KLF12: variants seen among roughly 807,000 people sequenced by gnomAD.
The protein encoded by KLF12 is KLF transcription factor 12.
A neutral mutation model predicts 37.8 loss-of-function variants in KLF12; 9 were observed. That is an observed-to-expected ratio of 0.24 (90% CI 0.14 to 0.42). The LOEUF (loss-of-function observed/expected upper bound fraction) is 0.42. Among genes scored for constraint, KLF12 ranks in the 10% least tolerant of loss-of-function variants. KLF12 has a pLI of 1.00. For synonymous variants in KLF12, 208 were observed against 202.1 expected (o/e 1.03, Z -0.25); for missense variants, 411 against 516.0 (o/e 0.80, Z 1.97).
At chr13:74,230,473 G>GAACCCAAAAAA in the KLF12 span, among the ~76,000 whole-genome samples, 1 of 152,034 alleles carries the variant, frequency 6.6e-6, no homozygotes. Context: ...TAAATAATAG[G>GAACCCAAAAAA]TATAATTGTG....
rs181828461 is a variant in KLF12 at position 74,060,326 on chromosome 13, G to A, written c.-31-65273C>T. On this transcript the variant is annotated intron_variant, in intron 1 of 7. Transcript: ENST00000377669. ...TTGGTATTTTCATAGAAATTGTGTCGAATCTGTAGATTACTTTGGACAGTT... is the reference window on the plus strand; with the variant it reads ...TTGGTATTTTCATAGAAATTGTGTCAAATCTGTAGATTACTTTGGACAGTT... Among the ~76,000 whole-genome samples the A allele has an allele frequency of 4.0e-3, 614 of 151,718 alleles. 1 individual carries two copies. Among genetic ancestry groups the A allele is most frequent in the African/African-American group, 0.011 (463 of 41,326 alleles).
In KLF12 at chr13:73,694,114, A is replaced by C. The variant is rs1379106064; in HGVS notation, c.*1376T>G. 6.6e-6 allele frequency: 1 copy of C among 152,574 alleles called. No homozygotes were observed. Among genetic ancestry groups the C allele is most frequent in the Non-Finnish European group, 1.5e-5 (1 of 68,038 alleles). 9.5% of individuals were successfully genotyped at this position (152,574 alleles called of 1,614,324 possible). ...GTATAGAAGAACCTATTGGAGAGTC[A>C]CTTATCCTTGGCTCTCCAAGAGAGG... On this transcript the variant is annotated 3_prime_UTR_variant, in exon 8 of 8. Transcript: ENST00000377669.
At chr13:73,964,606 T>TA (rs71115627) in intron 2 of KLF12, among the ~76,000 whole-genome samples, 1,938 of 137,360 alleles carry the variant, frequency 0.014, 38 homozygotes, top group African/African-American at 0.051. Context: ...CGTCTCTACT[T>TA]AAAAAAAAAA....
At chr13:73,769,836 G>C (rs1006193189) in intron 5 of KLF12, among the ~76,000 whole-genome samples, 3 of 152,172 alleles carry the variant, frequency 2.0e-5, no homozygotes, top group Admixed American at 2.0e-4. Context: ...AAATTAGAGA[G>C]GCTGTTTCAT....
chr13:73,835,286 T>C (rs181893161), intron 4 of KLF12, among the ~76,000 whole-genome samples: 18 of 152,242 alleles, frequency 1.2e-4, no homozygotes, highest in Non-Finnish European at 2.2e-4. Context: ...ATAACTAGAT[T>C]ACCTAGAGTT....
intron 1 of KLF12, among the ~76,000 whole-genome samples, chr13:74,089,497 C>T (rs987966240): frequency 1.3e-5 from 2 of 151,984 alleles, no homozygotes; most frequent in Non-Finnish European, 2.9e-5. Flanking sequence ...GACAAAGATA[C>T]TACTATAAAA....
intron 1 of KLF12, among the ~76,000 whole-genome samples, chr13:74,082,991 A>C (rs536614632): frequency 6.6e-6 from 1 of 152,234 alleles, no homozygotes; most frequent in Non-Finnish European, 1.5e-5. Context: ...TGTTTCAACA[A>C]AGGTGACAAT....
At chr13:73,784,456 T>G (rs536281563) in intron 5 of KLF12, among the ~76,000 whole-genome samples, 1 of 151,736 alleles carries the variant, frequency 6.6e-6, no homozygotes, top group South Asian at 2.1e-4. Flanking sequence ...GGCTTCTACT[T>G]CCATAACTCT....
intron 7 of KLF12, among the ~76,000 whole-genome samples, chr13:73,701,953 T>C (rs1236020422): frequency 6.6e-6 from 1 of 152,164 alleles, no homozygotes; most frequent in Admixed American, 6.5e-5. Context: ...CCAACACTAA[T>C]AAGAAGAGCA....
At chr13:74,212,859 C>CT in the KLF12 span, among the ~76,000 whole-genome samples, 6 of 151,590 alleles carry the variant, frequency 4.0e-5, no homozygotes, top group Admixed American at 2.0e-4. Context: ...TGTTTAAATT[C>CT]TTTTTTTTCA....
chr13:73,912,544 A>G (rs1251818163), intron 3 of KLF12, among the ~76,000 whole-genome samples: 3 of 152,144 alleles, frequency 2.0e-5, no homozygotes, highest in Non-Finnish European at 2.9e-5. Context: ...TGACACATCT[A>G]CAAACTAAGG....
the KLF12 span, among the ~76,000 whole-genome samples, chr13:74,146,294 C>T: frequency 6.6e-6 from 1 of 152,194 alleles, no homozygotes; most frequent in African/African-American, 2.4e-5. Flanking sequence ...TTGACCTTCA[C>T]TAAGTCAGTT....
intron 4 of KLF12, among the ~76,000 whole-genome samples, chr13:73,830,538 A>G (rs923750227): frequency 2.0e-5 from 3 of 152,172 alleles, no homozygotes; most frequent in African/African-American, 7.2e-5. Context: ...ATAATTCTAA[A>G]ACTGTAATGT....
At chr13:73,766,180 AG>A (rs1879903305) in intron 5 of KLF12, among the ~76,000 whole-genome samples, 1 of 151,786 alleles carries the variant, frequency 6.6e-6, no homozygotes, top group Non-Finnish European at 1.5e-5. Context: ...GGCATGGGGG[AG>A]GGGGTGTTAA....
intron 4 of KLF12, among the ~76,000 whole-genome samples, chr13:73,817,680 T>C (rs1449903114): frequency 2.0e-5 from 3 of 152,358 alleles, no homozygotes; most frequent in African/African-American, 7.2e-5. Flanking sequence ...TTTCGGTCAA[T>C]CAAAGATGGC....
chr13:73,778,308 A>G (rs1422826164), intron 5 of KLF12, among the ~76,000 whole-genome samples: 9 of 152,182 alleles, frequency 5.9e-5, no homozygotes, highest in Admixed American at 5.9e-4. Flanking sequence ...GTGTTTTCCT[A>G]AAGCAAGAGC....
the KLF12 span, among the ~76,000 whole-genome samples, chr13:74,243,773 G>A: frequency 2.6e-5 from 4 of 152,086 alleles, no homozygotes; most frequent in Admixed American, 6.6e-5. Context: ...GGTATCATTT[G>A]TCCTGGGTTT....
In KLF12 at chr13:73,909,498, G is replaced by A. The variant is rs1318097839; in HGVS notation, c.123+34483C>T. 2.0e-5 allele frequency among the ~76,000 whole-genome samples: 3 copies of A among 152,112 alleles called. No individual in the cohort carries two copies. The South Asian group carries it at 6.2e-4, about 32-fold the overall frequency. On this transcript the variant is annotated intron_variant, in intron 3 of 7. Coordinates refer to ENST00000377669, the MANE Select transcript of KLF12 (RefSeq NM_007249.5). ...TTCCTCTGTGGACTAAATGCTTTTTGTTACTTCAATGATGCTTAATATGGG... is the reference window on the plus strand; with the variant it reads ...TTCCTCTGTGGACTAAATGCTTTTTATTACTTCAATGATGCTTAATATGGG...
In KLF12 at chr13:73,813,143, G is replaced by C; in HGVS notation, c.806+9C>G. On this transcript the variant is annotated intron_variant, in intron 5 of 7. Transcript: ENST00000377669. ...AATTCTTAATTCATCCTGTGAATGT[G>C]ATACTTACTCTTGTACTGCTCTGGC... is the stretch of plus-strand genomic sequence containing the variant. 1 of 1,612,998 alleles carries C rather than the reference G, an allele frequency of 6.2e-7. No homozygotes were observed. The highest frequency in any genetic ancestry group is 8.5e-7 in the Non-Finnish European group (1 of 1,179,292).
Sources: gnomAD v4.1 joint callset for allele counts (sites outside exome capture counted in the v4.1 genomes callset) on GRCh38, gnomAD v4.1.1 for gene constraint, MANE v1.5 for transcripts, NCBI Gene and HGNC (gene_info 2026-07-23, HGNC 2026-07-21) for gene names.